The following CLNK variants were observed in gnomAD, a reference collection of about 807,000 sequenced individuals.
CLNK encodes the protein cytokine-dependent hematopoietic cell linker.
A neutral mutation model predicts 68.6 loss-of-function variants in CLNK; 74 were observed. The observed-to-expected ratio is 1.08, with a 90% CI of 0.89 to 1.31. The LOEUF is 1.31. Ranked by LOEUF, CLNK falls within the 50% of genes most tolerant of loss-of-function variation. The pLI is 0.00. For missense variants in CLNK, 553 were observed against 515.3 expected (o/e 1.07, Z -0.71); for synonymous variants, 198 against 172.2 (o/e 1.15, Z -1.17).
chr4:10,626,583 A>C (rs1197344548), intron 2 of CLNK, among the ~76,000 whole-genome samples: 1 of 152,218 alleles, frequency 6.6e-6, no homozygotes, highest in South Asian at 2.1e-4. Flanking sequence ...CAAGAAAAAA[A>C]CAGGAAAATA....
intron 7 of CLNK, among the ~76,000 whole-genome samples, chr4:10,563,631 C>T (rs1435991598): frequency 2.0e-5 from 3 of 151,976 alleles, no homozygotes; most frequent in South Asian, 2.1e-4. Context: ...GACAATGGCC[C>T]GGCGCGGTGG....
chr4:10,627,610 G>A (rs1401917194), intron 2 of CLNK, among the ~76,000 whole-genome samples: 1 of 152,152 alleles, frequency 6.6e-6, no homozygotes, highest in Admixed American at 6.5e-5. Flanking sequence ...GACACAGAGA[G>A]GGACAGAGAG....
intron 12 of CLNK, among the ~76,000 whole-genome samples, chr4:10,531,244 T>C (rs535878351): frequency 6.6e-6 from 1 of 152,140 alleles, no homozygotes; most frequent in Non-Finnish European, 1.5e-5. Flanking sequence ...TAGGGAACTT[T>C]GTCTTTGGGC....
chr4:10,615,438 A>T (rs533034707), intron 2 of CLNK, among the ~76,000 whole-genome samples: 11 of 152,194 alleles, frequency 7.2e-5, no homozygotes, highest in South Asian at 2.1e-4. Flanking sequence ...AATAGCTTGA[A>T]TCTGGGAGGC....
At chr4:10,671,116 T>G (rs1724614750) in intron 1 of CLNK, among the ~76,000 whole-genome samples, 1 of 152,154 alleles carries the variant, frequency 6.6e-6, no homozygotes, top group Non-Finnish European at 1.5e-5. Flanking sequence ...CCAGATGCAG[T>G]GGCTCACACC....
At chr4:10,719,460 A>C in the CLNK span, among the ~76,000 whole-genome samples, 1 of 152,068 alleles carries the variant, frequency 6.6e-6, no homozygotes, top group Non-Finnish European at 1.5e-5. Context: ...AAATTACCAG[A>C]GATAGAGAGG....
the CLNK span, among the ~76,000 whole-genome samples, chr4:10,730,301 C>T: frequency 6.6e-6 from 1 of 152,154 alleles, no homozygotes; most frequent in Non-Finnish European, 1.5e-5. Flanking sequence ...TACCAGCATG[C>T]CCTCAACTCT....
At chr4:10,536,784 A>C (rs913020421) in intron 11 of CLNK, among the ~76,000 whole-genome samples, 4 of 152,150 alleles carry the variant, frequency 2.6e-5, no homozygotes, top group African/African-American at 9.7e-5. Flanking sequence ...AAAATGATTA[A>C]ATAAAAGTAA....
chr4:10,713,080 C>T, the CLNK span, among the ~76,000 whole-genome samples: 14 of 152,292 alleles, frequency 9.2e-5, no homozygotes, highest in Admixed American at 3.3e-4. Context: ...TGCTTGTCTT[C>T]GCTGTGATTA....
chr4:10,705,178 T>C, the CLNK span, among the ~76,000 whole-genome samples: 2 of 152,138 alleles, frequency 1.3e-5, no homozygotes, highest in African/African-American at 2.4e-5. Context: ...CCAGTGATAA[T>C]GGGGTGGAAG....
chr4:10,655,334 CAGAGAGAGAGAGAGAGAGAGAGAGAG>C (rs148877353), intron 2 of CLNK, among the ~76,000 whole-genome samples: 1 of 135,326 alleles, frequency 7.4e-6, no homozygotes, highest in South Asian at 2.5e-4. Flanking sequence ...CCCCCAAAGA[CAGAGAGAGAGAGAGAGAGAGAGAGAG>C]AGAGAGAGAG....
chr4:10,587,669 A>G (rs1027744221), intron 3 of CLNK, among the ~76,000 whole-genome samples: 16 of 152,184 alleles, frequency 1.1e-4, no homozygotes, highest in African/African-American at 3.6e-4. Flanking sequence ...TTTAAACCCC[A>G]AATGAAATAA....
At chr4:10,582,275 T>G (rs1395441205) in intron 4 of CLNK, among the ~76,000 whole-genome samples, 3 of 152,224 alleles carry the variant, frequency 2.0e-5, no homozygotes, top group African/African-American at 4.8e-5. Flanking sequence ...AGGCATTGGA[T>G]GCTCACATAT....
intron 2 of CLNK, among the ~76,000 whole-genome samples, chr4:10,631,892 A>T (rs1722905584): frequency 6.6e-6 from 1 of 152,150 alleles, no homozygotes; most frequent in South Asian, 2.1e-4. Context: ...TTGGGTAAGG[A>T]TTCAAATATG....
rs550482647 is a variant in CLNK, at chr4:10,611,318, A to AAAAC, written c.12-13273_12-13270dup. On this transcript the variant is annotated intron_variant, in intron 2 of 18. Coordinates refer to ENST00000226951, the MANE Select transcript of CLNK (RefSeq NM_052964.4). ...GGTGACAGAGCAAGGCTCCGTCTCAAAAACAAACAAACAAACAAACAACAC... is the reference window on the plus strand; with the variant it reads ...GGTGACAGAGCAAGGCTCCGTCTCAAAAACAAACAAACAAACAAACAAACAACAC... 1.9e-3 allele frequency among the ~76,000 whole-genome samples: 286 copies of AAAAC among 152,084 alleles called. 1 individual carries two copies. Among genetic ancestry groups the AAAAC allele is most frequent in the African/African-American group, 3.5e-3 (144 of 41,488 alleles).
intron 2 of CLNK, among the ~76,000 whole-genome samples, chr4:10,651,806 A>G (rs1444280967): frequency 6.6e-6 from 1 of 152,140 alleles, no homozygotes; most frequent in Non-Finnish European, 1.5e-5. Flanking sequence ...ATTACTCTAC[A>G]AGACTGTAAA....
chr4:10,566,008 C>T lies in CLNK; in HGVS notation c.292+1G>A, dbSNP rs771987385. 6.2e-7 allele frequency: 1 copy of T among 1,613,580 alleles called. No individual in the cohort carries two copies. Among genetic ancestry groups the T allele is most frequent in the East Asian group, 2.2e-5 (1 of 44,870 alleles). ...ATTTCAGGCAGACCCCCAAACGTTA[C>T]CTGCATATTCAGATTCCTTTATAGG... On this transcript the variant is annotated splice_donor_variant, in intron 6 of 18. Coordinates refer to ENST00000226951, the MANE Select transcript of CLNK (RefSeq NM_052964.4). LOFTEE classifies it high-confidence loss of function.
intron 15 of CLNK, among the ~76,000 whole-genome samples, chr4:10,517,125 T>C (rs1717870758): frequency 6.6e-6 from 1 of 152,180 alleles, no homozygotes; most frequent in South Asian, 2.1e-4. Context: ...GTTTTTTGTA[T>C]TGTTTGAAAA....
chr4:10,586,876 T>C (rs1720988398), intron 3 of CLNK, among the ~76,000 whole-genome samples: 1 of 152,176 alleles, frequency 6.6e-6, no homozygotes, highest in African/African-American at 2.4e-5. Flanking sequence ...ACTAGTGAGA[T>C]TGAATTTCTT....
Sources: gnomAD v4.1 joint callset for allele counts (sites outside exome capture counted in the v4.1 genomes callset) on GRCh38, gnomAD v4.1.1 for gene constraint, MANE v1.5 for transcripts, NCBI Gene and HGNC (gene_info 2026-07-23, HGNC 2026-07-21) for gene names.